Variants in GLIS3 observed in about 807,000 individuals in gnomAD.
GLIS3 encodes the protein GLIS family zinc finger 3.
Under a neutral mutation model 78.6 loss-of-function variants are expected in GLIS3, and 53 were observed. That is an observed-to-expected ratio of 0.67 (90% CI 0.54 to 0.85). The LOEUF (loss-of-function observed/expected upper bound fraction) is 0.85. Ranked by LOEUF, GLIS3 falls within the 40% of genes least tolerant of loss-of-function variation. The pLI, the probability that GLIS3 is intolerant of heterozygous loss-of-function variation, is 0.00. For missense variants in GLIS3, 1,703 were observed against 1,231.1 expected (o/e 1.38, Z -5.74); for synonymous variants, 684 against 509.9 (o/e 1.34, Z -4.60).
chr9:4,416,068 G>A, the GLIS3 span, among the ~76,000 whole-genome samples: 1 of 150,342 alleles, frequency 6.7e-6, no homozygotes, highest in Non-Finnish European at 1.5e-5. Context: ...GCAGAGCACA[G>A]GATCTAATGA....
chr9:4,041,319 T>C (rs1449110270), intron 4 of GLIS3, among the ~76,000 whole-genome samples: 2 of 152,320 alleles, frequency 1.3e-5, no homozygotes, highest in Admixed American at 6.5e-5. Context: ...CTGCCAAACA[T>C]CCTACAGTGC....
chr9:4,158,204 C>G (rs1835183722), intron 2 of GLIS3, among the ~76,000 whole-genome samples: 3 of 152,166 alleles, frequency 2.0e-5, no homozygotes, highest in Admixed American at 6.5e-5. Flanking sequence ...GTTTCATAAG[C>G]TCCTTTCTCC....
chr9:4,017,543 C>G (rs1425811297), intron 4 of GLIS3, among the ~76,000 whole-genome samples: 1 of 152,164 alleles, frequency 6.6e-6, no homozygotes, highest in African/African-American at 2.4e-5. Flanking sequence ...GGAGACATCT[C>G]TCTTTGAGCA....
At chr9:4,079,841 A>G (rs1828399406) in intron 4 of GLIS3, among the ~76,000 whole-genome samples, 1 of 152,294 alleles carries the variant, frequency 6.6e-6, no homozygotes, top group African/African-American at 2.4e-5. Flanking sequence ...AATTCAATGA[A>G]TCAGAGCTAC....
In GLIS3 at chr9:4,118,103, G is replaced by C. The variant is rs1238011599; in HGVS notation, c.1375C>G (p.Pro459Ala). ...TGCGCATGGGCATGGTAAGGGGGTGGGGGGCCTGGGGGCGGCGGCAGAGGA... is the reference window on the plus strand; with the variant it reads ...TGCGCATGGGCATGGTAAGGGGGTGCGGGGCCTGGGGGCGGCGGCAGAGGA... The part of the protein sequence containing the change: ...LPPLPPPPGP[P>A]PPYHAHAHLH... The change falls in exon 4 of 11, where the codon CCA (proline) becomes GCA (alanine). Residue 459 changes from proline to alanine, a missense_variant. Transcript: ENST00000381971. This position sits in a 1 kb window ranked among gnomAD's most constrained non-coding sequence, Gnocchi z 4.7. The C allele has an allele frequency of 4.5e-6, 7 of 1,552,532 alleles. No individual in the cohort carries two copies. Among genetic ancestry groups the C allele is most frequent in the East Asian group, 4.5e-5 (2 of 44,270 alleles).
At chr9:4,090,513 G>T (rs1048826071) in intron 4 of GLIS3, among the ~76,000 whole-genome samples, 1 of 152,064 alleles carries the variant, frequency 6.6e-6, no homozygotes, top group Non-Finnish European at 1.5e-5. Flanking sequence ...CAAAGCTAAG[G>T]GCGGAAAGAA....
chr9:4,468,084 A>G, the GLIS3 span, among the ~76,000 whole-genome samples: 1 of 152,330 alleles, frequency 6.6e-6, no homozygotes, highest in Non-Finnish European at 1.5e-5. Context: ...AGAGAAGTTT[A>G]GAGAAAAAAG....
intron 4 of GLIS3, among the ~76,000 whole-genome samples, chr9:4,014,822 CT>C (rs1822309068): frequency 6.6e-6 from 1 of 152,190 alleles, no homozygotes; most frequent in African/African-American, 2.4e-5. Context: ...ACTTGAATGG[CT>C]TACCCAATGT....
At chr9:4,161,635 A>T (rs1191228783) in intron 2 of GLIS3, among the ~76,000 whole-genome samples, 1 of 151,604 alleles carries the variant, frequency 6.6e-6, no homozygotes, top group Non-Finnish European at 1.5e-5. Flanking sequence ...GGCTTGAAAC[A>T]ACAGGATTTT....
chr9:4,245,732 C>A lies in GLIS3; in HGVS notation c.388+40306G>T, dbSNP rs114798302. ...TGATTTGATCATTACACATTATATACAGGTATATAAATACCACTATATCCC... is the reference window on the plus strand; with the variant it reads ...TGATTTGATCATTACACATTATATAAAGGTATATAAATACCACTATATCCC... On this transcript the variant is annotated intron_variant, in intron 2 of 10. Coordinates refer to ENST00000381971, the MANE Select transcript of GLIS3 (RefSeq NM_001042413.2). Among the ~76,000 whole-genome samples the A allele has an allele frequency of 5.2e-3, 796 of 152,194 alleles. 4 individuals carry two copies. The highest frequency in any genetic ancestry group is 0.018 in the African/African-American group (757 of 41,514).
At chr9:4,114,578 A>C (rs978246361) in intron 4 of GLIS3, among the ~76,000 whole-genome samples, 1 of 152,210 alleles carries the variant, frequency 6.6e-6, no homozygotes, top group Non-Finnish European at 1.5e-5. Flanking sequence ...AGAAGGTCAA[A>C]ATAAAGAGAT....
intron 4 of GLIS3, among the ~76,000 whole-genome samples, chr9:4,085,990 T>G (rs1828990995): frequency 1.3e-5 from 2 of 152,178 alleles, no homozygotes; most frequent in South Asian, 4.1e-4. Context: ...CTAATACAAT[T>G]ATCCTTCTAA....
the GLIS3 span, among the ~76,000 whole-genome samples, chr9:4,430,373 A>G: frequency 6.6e-6 from 1 of 152,226 alleles, no homozygotes; most frequent in Non-Finnish European, 1.5e-5. Context: ...ACATATCTGC[A>G]GGAGGAATGT....
intron 2 of GLIS3, among the ~76,000 whole-genome samples, chr9:4,156,318 T>C (rs1225255479): frequency 6.6e-6 from 1 of 152,228 alleles, no homozygotes; most frequent in African/African-American, 2.4e-5. Flanking sequence ...TCTACTTCCT[T>C]TCCTCTCCTT....
chr9:3,908,259 T>C (rs1268781900), intron 6 of GLIS3, among the ~76,000 whole-genome samples: 3 of 152,224 alleles, frequency 2.0e-5, no homozygotes, highest in Admixed American at 2.0e-4. Flanking sequence ...GGTTGTTAGC[T>C]GCAATTTTAG....
At chr9:4,304,872 T>C (rs1162480411), upstream of GLIS3, among the ~76,000 whole-genome samples, 2 of 152,216 alleles carry the variant, frequency 1.3e-5, no homozygotes, top group African/African-American at 2.4e-5. Flanking sequence ...GATTTTCACG[T>C]GTATACACAT....
intron 2 of GLIS3, among the ~76,000 whole-genome samples, chr9:4,187,713 TC>T: frequency 1.3e-5 from 2 of 152,324 alleles, no homozygotes; most frequent in East Asian, 3.9e-4. Flanking sequence ...GTCTTTCACA[TC>T]CCTTGTAAGT....
chr9:4,361,123 C>A, the GLIS3 span, among the ~76,000 whole-genome samples: 1 of 152,228 alleles, frequency 6.6e-6, no homozygotes, highest in East Asian at 1.9e-4. Context: ...AGGGCCGATG[C>A]ACTCATTCCT....
intron 2 of GLIS3, among the ~76,000 whole-genome samples, chr9:4,332,733 A>G (rs904985285): frequency 7.2e-5 from 11 of 152,214 alleles, no homozygotes; most frequent in Admixed American, 2.0e-4. Context: ...AGTCAGCCTC[A>G]TGTGCTCTCT....
Sources: gnomAD v4.1 joint callset for allele counts (sites outside exome capture counted in the v4.1 genomes callset) on GRCh38, gnomAD v4.1.1 for gene constraint, Gnocchi (gnomAD v3.1) non-coding constraint, MANE v1.5 for transcripts, NCBI Gene and HGNC (gene_info 2026-07-23, HGNC 2026-07-21) for gene names.